CTBP2: variants seen among roughly 807,000 people sequenced by gnomAD.
CTBP2 encodes C-terminal-binding protein 2.
Under a neutral mutation model 80.3 loss-of-function variants are expected in CTBP2, and 30 were observed. The ratio of observed to expected loss-of-function variants is 0.37; its 90% CI spans 0.28 to 0.51. The LOEUF (loss-of-function observed/expected upper bound fraction) is 0.51, where lower values mean the gene tolerates loss of function less well. Among genes scored for constraint, CTBP2 ranks in the 20% least tolerant of loss-of-function variants. CTBP2 has a pLI of 0.93. For missense variants in CTBP2, 1,212 were observed against 1,375.3 expected, an observed-to-expected ratio of 0.88 and a Z score of 1.88; for synonymous variants, 594 against 587.4, an observed-to-expected ratio of 1.01 and a Z score of -0.16.
chr10:125,094,694 G>A (rs1482847901), intron 2 of CTBP2, among the ~76,000 whole-genome samples: 2 of 152,176 alleles, frequency 1.3e-5, no homozygotes, highest in Non-Finnish European at 2.9e-5. Context: ...CAGGGATGCT[G>A]TTGAACATTG....
chr10:125,008,357 C>T (rs1250656320), intron 1 of CTBP2, among the ~76,000 whole-genome samples: 5 of 152,210 alleles, frequency 3.3e-5, no homozygotes, highest in African/African-American at 4.8e-5. Flanking sequence ...ACAGGGGCTA[C>T]GGCTGCCCAA....
intron 2 of CTBP2, among the ~76,000 whole-genome samples, chr10:125,053,886 G>A (rs1963338654): frequency 6.6e-6 from 1 of 152,204 alleles, no homozygotes; most frequent in African/African-American, 2.4e-5. Context: ...GGACCCGGCA[G>A]AGGATCAGAT....
intron 2 of CTBP2, among the ~76,000 whole-genome samples, chr10:125,057,776 G>A (rs1964239219): frequency 6.6e-6 from 1 of 152,168 alleles, no homozygotes; most frequent in Admixed American, 6.5e-5. Flanking sequence ...CCTCTTGGAG[G>A]AGCTTTGTCT....
chr10:124,992,508 T>C (rs1051836783), intron 8 of CTBP2, among the ~76,000 whole-genome samples, 187 bp downstream of exon 10: 11 of 152,156 alleles, frequency 7.2e-5, no homozygotes, highest in Admixed American at 3.9e-4. Flanking sequence ...GAGCTTCTGT[T>C]TGTTCCATGA....
intron 2 of CTBP2, among the ~76,000 whole-genome samples, chr10:125,086,881 G>C (rs1262436046): frequency 6.6e-6 from 1 of 151,996 alleles, no homozygotes; most frequent in East Asian, 1.9e-4. Context: ...AGGGGGCTCC[G>C]CCTCTAGAAC....
intron 1 of CTBP2, among the ~76,000 whole-genome samples, chr10:125,147,968 C>T (rs1452528064): frequency 6.6e-6 from 1 of 152,182 alleles, no homozygotes; most frequent in Admixed American, 6.5e-5. Context: ...AGAAACACTA[C>T]TTCATTGAAT....
chr10:125,027,777 C>A lies in CTBP2; in HGVS notation c.-18G>T, dbSNP rs2938006. 4 of 1,536,350 alleles carry A rather than the reference C, an allele frequency of 2.6e-6. No individual in the cohort carries two copies. Among genetic ancestry groups the A allele is most frequent in the Non-Finnish European group, 3.5e-6 (4 of 1,141,386 alleles). On this transcript the variant is annotated 5_prime_UTR_variant, in exon 1 of 9. Transcript: ENST00000309035. ...ACTGGCATTGGAAAAAAAATGACTG[C>A]GGATGAGGCAGAGGAGAAGCTTTTC...
In CTBP2 at chr10:125,144,328, G is replaced by A. The variant is rs149660763; in HGVS notation, c.-206+15991C>T. Among the ~76,000 whole-genome samples the A allele has an allele frequency of 3.6e-3, 549 of 152,258 alleles. 2 individuals carry two copies. The highest frequency in any genetic ancestry group is 0.011 in the African/African-American group (472 of 41,548). On this transcript the variant is annotated intron_variant, in intron 1 of 10. Transcript: ENST00000337195. ...GGTATTGGTGGAGGAGAACCAGTTC[G>A]GATCTCGCTCGATCATTAATTAACT... is the stretch of plus-strand genomic sequence containing the variant.
upstream of CTBP2, among the ~76,000 whole-genome samples, chr10:125,161,570 G>A (rs1384649857): frequency 6.6e-6 from 1 of 152,176 alleles, no homozygotes; most frequent in Non-Finnish European, 1.5e-5. Context: ...GCCGGCCACA[G>A]GGGGCACTTG....
chr10:125,035,095 A>G (rs1358219088), intron 3 of CTBP2, among the ~76,000 whole-genome samples: 1 of 152,046 alleles, frequency 6.6e-6, no homozygotes, highest in East Asian at 1.9e-4. Context: ...CACAGAAGAG[A>G]CCCACTGGGG....
At chr10:125,115,508 G>T (rs1853099043) in intron 1 of CTBP2, among the ~76,000 whole-genome samples, 1 of 152,176 alleles carries the variant, frequency 6.6e-6, no homozygotes, top group Admixed American at 6.5e-5. Context: ...TGATTTGGAG[G>T]TAACAGCATC....
At position 125,027,259 on chromosome 10, in the gene CTBP2, A is replaced by G. The variant is rs759420107; in HGVS notation, c.501T>C (p.Asp167=). Residue 167 remains aspartate (D), a synonymous_variant, in exon 1 of 9, where the codon GAT becomes GAC. Coordinates refer to ENST00000309035, the MANE Select transcript of CTBP2 (RefSeq NM_022802.3). Reference sequence around the variant, plus strand: ...CCTGAGGGATCATTTTACCTCCAGGATCCCGGTACAGGTGACCGGCGTCCT... The same window carrying G: ...CCTGAGGGATCATTTTACCTCCAGGGTCCCGGTACAGGTGACCGGCGTCCT... The G allele has an allele frequency of 6.2e-7, 1 of 1,613,678 alleles. No individual in the cohort carries two copies. Among genetic ancestry groups the G allele is most frequent in the Non-Finnish European group, 8.5e-7 (1 of 1,179,998 alleles).
At chr10:125,030,269 A>C (rs1958042877), upstream of CTBP2, among the ~76,000 whole-genome samples, 1 of 152,166 alleles carries the variant, frequency 6.6e-6, no homozygotes, top group African/African-American at 2.4e-5. Flanking sequence ...CACGGGCTTA[A>C]TTTTTTAATT....
chr10:125,138,585 A>G (rs1857314603), intron 1 of CTBP2, among the ~76,000 whole-genome samples: 1 of 151,960 alleles, frequency 6.6e-6, no homozygotes, highest in Admixed American at 6.6e-5. Flanking sequence ...GTAAGATTGG[A>G]AAGAGCCGCT....
chr10:125,041,107 A>G (rs1369960247), intron 2 of CTBP2, among the ~76,000 whole-genome samples: 1 of 152,190 alleles, frequency 6.6e-6, no homozygotes, highest in Non-Finnish European at 1.5e-5. Context: ...TTGGTGAGAC[A>G]GGGTCTGTTC....
intron 2 of CTBP2, among the ~76,000 whole-genome samples, chr10:125,064,184 G>A (rs1016651367): frequency 6.6e-6 from 1 of 152,210 alleles, no homozygotes. Flanking sequence ...AGTCTCCTCG[G>A]TTTTCACCAG....
rs1457271152 is a variant in CTBP2 at position 125,044,984 on chromosome 10, A to G, written c.-101-5829T>C. 4.6e-5 allele frequency among the ~76,000 whole-genome samples: 7 copies of G among 152,338 alleles called. No individual in the cohort carries two copies. The East Asian group carries it at 1.4e-3, about 29-fold the overall frequency. Reference sequence around the variant, plus strand: ...GAGCTTAATGGAGCCAATTTTCAGAACGGCAGCTATGGACCGAATGCTTGT... The same window carrying G: ...GAGCTTAATGGAGCCAATTTTCAGAGCGGCAGCTATGGACCGAATGCTTGT... On this transcript the variant is annotated intron_variant, in intron 2 of 10. Transcript: ENST00000337195.
intron 1 of CTBP2, among the ~76,000 whole-genome samples, chr10:125,147,579 G>T (rs1859015098): frequency 6.6e-6 from 1 of 152,094 alleles, no homozygotes; most frequent in Non-Finnish European, 1.5e-5. Context: ...CTACCACAGG[G>T]CACGACATCT....
At chr10:125,077,991 C>T (rs1370391887) in intron 2 of CTBP2, among the ~76,000 whole-genome samples, 1 of 152,150 alleles carries the variant, frequency 6.6e-6, no homozygotes, top group Non-Finnish European at 1.5e-5. Context: ...CCATAAGAAC[C>T]TTTCTCAGGC....
Sources: gnomAD v4.1 joint callset for allele counts (sites outside exome capture counted in the v4.1 genomes callset) on GRCh38, gnomAD v4.1.1 for gene constraint, MANE v1.5 for transcripts, NCBI Gene and HGNC (gene_info 2026-07-23, HGNC 2026-07-21) for gene names.